DHX15: variants seen among roughly 807,000 people sequenced by gnomAD.
The protein encoded by DHX15 is ATP-dependent RNA helicase DHX15.
Under a neutral mutation model 94.4 loss-of-function variants are expected in DHX15, and 11 were observed. The observed-to-expected ratio is 0.12, with a 90% CI of 0.07 to 0.19. DHX15 has a LOEUF of 0.19. Among genes scored for constraint, DHX15 ranks in the 10% least tolerant of loss-of-function variants. The pLI is 1.00. For missense variants in DHX15, 304 were observed against 988.5 expected (o/e 0.31, Z 9.29); for synonymous variants, 338 against 329.9 (o/e 1.02, Z -0.27).
At chr4:24,550,148 A>G (rs971292313) in intron 5 of DHX15, among the ~76,000 whole-genome samples, 1 of 146,420 alleles carries the variant, frequency 6.8e-6, no homozygotes, top group Non-Finnish European at 1.5e-5. Context: ...ACACTCATAT[A>G]GGGCATCTGC....
intron 1 of DHX15, among the ~76,000 whole-genome samples, chr4:24,581,240 G>A (rs1722409216): frequency 1.3e-5 from 2 of 152,088 alleles, no homozygotes; most frequent in South Asian, 2.1e-4. Flanking sequence ...GTGTTAGCCA[G>A]GATGGTCTTG....
intron 3 of DHX15, among the ~76,000 whole-genome samples, chr4:24,565,157 T>TA (rs1402284740): frequency 1.3e-5 from 2 of 152,382 alleles, no homozygotes; most frequent in Non-Finnish European, 2.9e-5. Flanking sequence ...GTGTAGGTTC[T>TA]ACTTAATATT....
At chr4:24,558,312 A>G (rs1721786900) in intron 3 of DHX15, among the ~76,000 whole-genome samples, 1 of 152,162 alleles carries the variant, frequency 6.6e-6, no homozygotes, top group Non-Finnish European at 1.5e-5. Flanking sequence ...ACTTGAGAAA[A>G]AAGTCACAGA....
chr4:24,576,741 T>C (rs756359630), intron 1 of DHX15, 63 bp from the exon 2 acceptor site: 3 of 1,569,938 alleles, frequency 1.9e-6, no homozygotes, highest in Admixed American at 1.8e-5. Flanking sequence ...GGTAGCGTTA[T>C]AATCACAAAG....
intron 12 of DHX15, chr4:24,530,254 C>T (rs990844585): frequency 1.8e-5 from 3 of 166,556 alleles, no homozygotes; most frequent in Admixed American, 6.4e-5. Context: ...CAGCACTGGG[C>T]GCCAACTATG....
chr4:24,569,733 C>G (rs977573847), intron 3 of DHX15, among the ~76,000 whole-genome samples: 1 of 151,870 alleles, frequency 6.6e-6, no homozygotes, highest in African/African-American at 2.4e-5. Context: ...TTTTAAAAAC[C>G]TCAGGGAGAA....
chr4:24,575,029 T>C (rs966186922), intron 2 of DHX15, among the ~76,000 whole-genome samples: 2 of 152,024 alleles, frequency 1.3e-5, no homozygotes, highest in African/African-American at 4.8e-5. Flanking sequence ...TGGTGGCATA[T>C]GCCTGTGATC....
At chr4:24,555,328 CCA>C in intron 4 of DHX15, among the ~76,000 whole-genome samples, 1 of 150,954 alleles carries the variant, frequency 6.6e-6, no homozygotes, top group African/African-American at 2.4e-5. Context: ...AATAAGTGGA[CCA>C]GATATAAAAA....
intron 3 of DHX15, among the ~76,000 whole-genome samples, chr4:24,564,016 A>T (rs1028879903): frequency 6.8e-6 from 1 of 147,256 alleles, no homozygotes; most frequent in Non-Finnish European, 1.5e-5. Flanking sequence ...GCAGTGAGCC[A>T]AGACTGCACC....
intron 1 of DHX15, among the ~76,000 whole-genome samples, chr4:24,582,401 A>T (rs1487241269): frequency 6.6e-6 from 1 of 152,240 alleles, no homozygotes; most frequent in Non-Finnish European, 1.5e-5. Context: ...AAACAATCGC[A>T]CATACATATG....
At chr4:24,546,480 C>G (rs1367928026) in intron 6 of DHX15, among the ~76,000 whole-genome samples, 1 of 152,168 alleles carries the variant, frequency 6.6e-6, no homozygotes, top group African/African-American at 2.4e-5. Flanking sequence ...CAGAAGTTAT[C>G]TACTGAAGAG....
chr4:24,540,835 C>A lies in DHX15; in HGVS notation c.1594+5G>T. 1 of 1,511,036 alleles carries A rather than the reference C, an allele frequency of 6.6e-7. No homozygotes were observed. Among genetic ancestry groups the A allele is most frequent in the South Asian group, 1.2e-5 (1 of 86,514 alleles). The allele number at this position is 1,511,036 out of a possible 1,614,324, so 93.6% of individuals were successfully genotyped here. A position where few individuals can be genotyped will look rare whatever the true frequency, so the allele number is the denominator to read the frequency against. On this transcript the variant is annotated splice_donor_5th_base_variant and intron_variant, in intron 9 of 13. Transcript: ENST00000336812. Reference sequence around the variant, plus strand: ...CTGATAAAAATGTGTTTTGATAAGTCATACCTGGTGGATCCATAAAATCAA... The same window carrying A: ...CTGATAAAAATGTGTTTTGATAAGTAATACCTGGTGGATCCATAAAATCAA...
At chr4:24,550,289 T>TA (rs1169589621) in intron 5 of DHX15, among the ~76,000 whole-genome samples, 11 of 151,808 alleles carry the variant, frequency 7.2e-5, no homozygotes, top group African/African-American at 1.9e-4. Context: ...ACAAAATTTA[T>TA]AAAAAAATGT....
At chr4:24,564,899 C>G (rs1312440575) in intron 3 of DHX15, among the ~76,000 whole-genome samples, 1 of 152,228 alleles carries the variant, frequency 6.6e-6, no homozygotes, top group East Asian at 1.9e-4. Context: ...AAACCCTGGA[C>G]TCTTAAAGAG....
chr4:24,574,898 A>G (rs1458236505), intron 2 of DHX15, among the ~76,000 whole-genome samples: 1 of 152,178 alleles, frequency 6.6e-6, no homozygotes, highest in African/African-American at 2.4e-5. Flanking sequence ...CCTAACATCA[A>G]TTCTAAGTTT....
intron 12 of DHX15, 43 bp from the exon 13 acceptor site, chr4:24,529,813 C>T (rs748808743): frequency 1.3e-6 from 2 of 1,599,878 alleles, no homozygotes; most frequent in Admixed American, 1.7e-5. Flanking sequence ...ATGCTTCTGA[C>T]TTGCTAGTTG....
chr4:24,564,205 G>T (rs554555826), intron 3 of DHX15, among the ~76,000 whole-genome samples: 3 of 152,204 alleles, frequency 2.0e-5, no homozygotes, highest in South Asian at 2.1e-4. Flanking sequence ...AATAATGGTG[G>T]TTATTTATGA....
intron 11 of DHX15, among the ~76,000 whole-genome samples, chr4:24,536,023 A>C (rs909301041): frequency 2.6e-5 from 4 of 152,178 alleles, no homozygotes; most frequent in African/African-American, 9.7e-5. Flanking sequence ...AAAAAATGTC[A>C]GATCCAGTTG....
chr4:24,578,871 G>A (rs903671293), intron 1 of DHX15, among the ~76,000 whole-genome samples: 4 of 152,100 alleles, frequency 2.6e-5, no homozygotes, highest in Non-Finnish European at 5.9e-5. Context: ...CTAGTTTAAT[G>A]ATTTCTATAC....
Sources: gnomAD v4.1 joint callset for allele counts (sites outside exome capture counted in the v4.1 genomes callset) on GRCh38, gnomAD v4.1.1 for gene constraint, MANE v1.5 for transcripts, NCBI Gene and HGNC (gene_info 2026-07-23, HGNC 2026-07-21) for gene names.